The following ARID1B variants were observed in gnomAD, a reference collection of about 807,000 sequenced individuals.
ARID1B encodes AT-rich interactive domain-containing protein 1B.
A neutral mutation model predicts 212.3 loss-of-function variants in ARID1B; 30 were observed. The ratio of observed to expected loss-of-function variants is 0.14; its 90% CI spans 0.11 to 0.19. The LOEUF is 0.19. Among genes scored for constraint, ARID1B ranks in the 10% least tolerant of loss-of-function variants. The pLI is 1.00. For missense variants in ARID1B, 2,891 were observed against 3,204.0 expected, an observed-to-expected ratio of 0.90 and a Z score of 2.36; for synonymous variants, 1,402 against 1,301.7, an observed-to-expected ratio of 1.08 and a Z score of -1.66.
intron 4 of ARID1B, among the ~76,000 whole-genome samples, chr6:157,019,358 C>T (rs1210829000): frequency 6.6e-6 from 1 of 152,196 alleles, no homozygotes; most frequent in Non-Finnish European, 1.5e-5. Flanking sequence ...TAGCCAGCAT[C>T]TGGTAAGTGC....
chr6:156,784,820 C>T (rs1055053334), intron 1 of ARID1B, among the ~76,000 whole-genome samples: 3 of 152,118 alleles, frequency 2.0e-5, no homozygotes, highest in Admixed American at 2.0e-4. Flanking sequence ...AGTGCAGTGG[C>T]GCGATCTTGG....
intron 4 of ARID1B, among the ~76,000 whole-genome samples, chr6:157,069,213 T>C (rs1783865579): frequency 6.6e-6 from 1 of 152,186 alleles, no homozygotes; most frequent in Non-Finnish European, 1.5e-5. Context: ...AGAGCATAGG[T>C]TAGCTGTCAC....
At chr6:157,082,561 A>C (rs182387884) in intron 4 of ARID1B, among the ~76,000 whole-genome samples, 2 of 152,318 alleles carry the variant, frequency 1.3e-5, no homozygotes, top group Non-Finnish European at 2.9e-5. Context: ...TTTTTCTGGA[A>C]CTGCATCTCA....
intron 4 of ARID1B, among the ~76,000 whole-genome samples, chr6:156,980,407 T>C (rs1483911092): frequency 3.5e-4 from 53 of 152,040 alleles, no homozygotes; most frequent in Non-Finnish European, 1.3e-4. Context: ...TGCCTGAACC[T>C]GGGAGGTGGA....
At chr6:157,011,782 T>G (rs1189694589) in intron 4 of ARID1B, among the ~76,000 whole-genome samples, 1 of 152,246 alleles carries the variant, frequency 6.6e-6, no homozygotes, top group Admixed American at 6.5e-5. Flanking sequence ...TACCTTATTT[T>G]GGTTGATACC....
chr6:157,114,964 G>A (rs1485839406), intron 6 of ARID1B, among the ~76,000 whole-genome samples: 1 of 152,162 alleles, frequency 6.6e-6, no homozygotes, highest in Non-Finnish European at 1.5e-5. Context: ...ACTTGGTCCT[G>A]TGTTCCCGTT....
At chr6:156,882,509 T>G (rs1461785243) in intron 2 of ARID1B, among the ~76,000 whole-genome samples, 3 of 152,212 alleles carry the variant, frequency 2.0e-5, no homozygotes, top group African/African-American at 7.2e-5. Flanking sequence ...GAAATCCATT[T>G]GGGAAAACAA....
intron 2 of ARID1B, among the ~76,000 whole-genome samples, chr6:156,853,238 G>A (rs549557678): frequency 1.9e-3 from 297 of 152,322 alleles, no homozygotes; most frequent in Middle Eastern, 6.8e-3. Flanking sequence ...TGTGTTGTGA[G>A]ACTAGATGAA....
chr6:156,814,653 A>AT (rs1311751998), intron 1 of ARID1B, among the ~76,000 whole-genome samples: 1 of 152,118 alleles, frequency 6.6e-6, no homozygotes. Context: ...TGCGGGAGAG[A>AT]TGGGGTCCCA....
chr6:156,800,723 A>T (rs1780720410), intron 1 of ARID1B, among the ~76,000 whole-genome samples: 1 of 152,058 alleles, frequency 6.6e-6, no homozygotes, highest in Non-Finnish European at 1.5e-5. Flanking sequence ...CTTGGGCAAC[A>T]TAGTAAGACC....
chr6:157,004,868 T>C (rs1338926752), intron 4 of ARID1B, among the ~76,000 whole-genome samples: 2 of 151,014 alleles, frequency 1.3e-5, no homozygotes, highest in Non-Finnish European at 2.9e-5. Context: ...TGTAGTGGCA[T>C]TTCTTTTTTC....
intron 9 of ARID1B, among the ~76,000 whole-genome samples, chr6:157,171,910 T>TA (rs1791740078): frequency 6.6e-6 from 1 of 152,254 alleles, no homozygotes. Context: ...AATAGAATCT[T>TA]ACTATTCCTG....
intron 3 of ARID1B, among the ~76,000 whole-genome samples, chr6:156,918,234 G>A (rs1247915709): frequency 6.6e-6 from 1 of 152,152 alleles, no homozygotes; most frequent in East Asian, 1.9e-4. Flanking sequence ...CCATTGTGGG[G>A]TAAACAGTTC....
intron 3 of ARID1B, among the ~76,000 whole-genome samples, chr6:156,934,261 G>C (rs920349260): frequency 4.6e-5 from 7 of 152,134 alleles, no homozygotes; most frequent in African/African-American, 1.4e-4. Flanking sequence ...CTGTCCTGCT[G>C]TTTGACTTCA....
intron 6 of ARID1B, among the ~76,000 whole-genome samples, chr6:157,127,140 G>T (rs1450020174): frequency 6.6e-6 from 1 of 152,206 alleles, no homozygotes; most frequent in African/African-American, 2.4e-5. Context: ...ACTTGATTTA[G>T]ATTTCTTCCT....
At chr6:156,934,579 T>C (rs565900502) in intron 3 of ARID1B, among the ~76,000 whole-genome samples, 1 of 152,084 alleles carries the variant, frequency 6.6e-6, no homozygotes, top group Admixed American at 6.6e-5. Context: ...TATATATGCG[T>C]GTTTATTGGT....
At chr6:156,795,513 C>A (rs917173372) in intron 1 of ARID1B, among the ~76,000 whole-genome samples, 1 of 152,116 alleles carries the variant, frequency 6.6e-6, no homozygotes, top group Non-Finnish European at 1.5e-5. Flanking sequence ...ATCATCAAGA[C>A]GGTAATGCAT....
At chr6:157,089,786 C>T (rs187639496) in intron 5 of ARID1B, among the ~76,000 whole-genome samples, 1 of 152,242 alleles carries the variant, frequency 6.6e-6, no homozygotes, top group East Asian at 1.9e-4. Flanking sequence ...ATATACTATA[C>T]ATTTAAATTA....
chr6:157,119,132 A>G (rs752039485), intron 6 of ARID1B, among the ~76,000 whole-genome samples: 53 of 152,108 alleles, frequency 3.5e-4, no homozygotes, highest in Non-Finnish European at 5.9e-5. Context: ...CCCCAAACTA[A>G]TTAGTCACCA....
Sources: allele counts gnomAD v4.1 joint callset (sites outside exome capture counted in the v4.1 genomes callset), GRCh38; gene constraint gnomAD v4.1.1; transcripts MANE v1.5; gene names NCBI Gene and HGNC (gene_info 2026-07-23, HGNC 2026-07-21).